Variants in GREM2 observed in about 807,000 individuals in gnomAD.
GREM2 encodes the protein gremlin-2.
A neutral mutation model predicts 14.2 loss-of-function variants in GREM2; 11 were observed. The ratio of observed to expected loss-of-function variants is 0.78; its 90% confidence interval spans 0.49 to 1.28. The LOEUF is 1.28. Among genes scored for constraint, GREM2 ranks in the 50% most tolerant of loss-of-function variants. The pLI, the probability that GREM2 is intolerant of heterozygous loss-of-function variation, is 0.00. For synonymous variants in GREM2, 98 were observed against 97.6 expected (o/e 1.00, Z -0.02); for missense variants, 210 against 218.5 (o/e 0.96, Z 0.24).
chr1:240,611,582 T>C (rs1680136184), intron 1 of GREM2, among the ~76,000 whole-genome samples: 1 of 152,244 alleles, frequency 6.6e-6, no homozygotes, highest in African/African-American at 2.4e-5. Flanking sequence ...GAGGTATTTA[T>C]TGGTGGGATG....
At chr1:240,497,879 G>T (rs890911577) in intron 1 of GREM2, among the ~76,000 whole-genome samples, 4 of 152,110 alleles carry the variant, frequency 2.6e-5, no homozygotes, top group Non-Finnish European at 5.9e-5. Context: ...CTCTTAAAAA[G>T]AAAGTATTTT....
At chr1:240,554,056 G>GTATT (rs1441014561) in intron 1 of GREM2, among the ~76,000 whole-genome samples, 4 of 152,016 alleles carry the variant, frequency 2.6e-5, no homozygotes, top group African/African-American at 9.7e-5. Flanking sequence ...CTGCATTAGG[G>GTATT]TATTGCCTTC....
At chr1:240,590,427 CTTTCTTTTTT>C (rs1679684950) in intron 1 of GREM2, among the ~76,000 whole-genome samples, 1 of 136,412 alleles carries the variant, frequency 7.3e-6, no homozygotes, top group African/African-American at 2.9e-5. Flanking sequence ...TTTTCTTTTT[CTTTCTTTTTT>C]TTTTTTTTTG....
chr1:240,577,748 A>G (rs1458788785), intron 1 of GREM2, among the ~76,000 whole-genome samples: 2 of 152,234 alleles, frequency 1.3e-5, no homozygotes, highest in African/African-American at 4.8e-5. Context: ...TTTTTAAATC[A>G]TAACTTATGG....
intron 1 of GREM2, among the ~76,000 whole-genome samples, chr1:240,502,802 G>C (rs909174977): frequency 2.6e-5 from 4 of 152,154 alleles, no homozygotes; most frequent in African/African-American, 9.7e-5. Flanking sequence ...AATTTGTTCA[G>C]GTATTGAATT....
intron 1 of GREM2, among the ~76,000 whole-genome samples, chr1:240,565,581 T>C (rs1235698076): frequency 2.0e-5 from 3 of 152,084 alleles, no homozygotes; most frequent in Non-Finnish European, 4.4e-5. Flanking sequence ...GCCCGGTGGC[T>C]CATGCCTGTA....
At chr1:240,546,166 C>G (rs1005329951) in intron 1 of GREM2, among the ~76,000 whole-genome samples, 3 of 151,920 alleles carry the variant, frequency 2.0e-5, no homozygotes, top group Non-Finnish European at 4.4e-5. Flanking sequence ...GAAACCCCAT[C>G]TCTACTAAAA....
chr1:240,609,288 T>A (rs774417214), intron 1 of GREM2, among the ~76,000 whole-genome samples: 1 of 152,100 alleles, frequency 6.6e-6, no homozygotes, highest in Non-Finnish European at 1.5e-5. Context: ...CCCATCAATG[T>A]GCTGGCCACT....
chr1:240,585,729 C>CAAAAAA (rs370321961), intron 1 of GREM2, among the ~76,000 whole-genome samples: 4 of 67,814 alleles, frequency 5.9e-5, no homozygotes, highest in Admixed American at 2.1e-4. Flanking sequence ...GACTCCATCT[C>CAAAAAA]AAAAAAAAAA....
At chr1:240,533,891 T>C (rs1678415955) in intron 1 of GREM2, among the ~76,000 whole-genome samples, 1 of 152,212 alleles carries the variant, frequency 6.6e-6, no homozygotes, top group Non-Finnish European at 1.5e-5. Context: ...CAGGAGCATG[T>C]CATTTTTGAG....
chr1:240,577,531 T>C (rs1307359630), intron 1 of GREM2, among the ~76,000 whole-genome samples: 1 of 152,222 alleles, frequency 6.6e-6, no homozygotes, highest in African/African-American at 2.4e-5. Flanking sequence ...GTAAGAGTGA[T>C]TGATGACGGG....
At chr1:240,562,970 ATG>A (rs1263317226) in intron 1 of GREM2, among the ~76,000 whole-genome samples, 2 of 95,292 alleles carry the variant, frequency 2.1e-5, no homozygotes, top group Non-Finnish European at 3.7e-5. Context: ...GAGTGTGTGT[ATG>A]TGTGTATATG....
chr1:240,539,906 GCCT>G (rs1338577036), intron 1 of GREM2, among the ~76,000 whole-genome samples: 3 of 152,198 alleles, frequency 2.0e-5, no homozygotes, highest in South Asian at 2.1e-4. Flanking sequence ...TGTTGTTGAT[GCCT>G]CCTCTTTTGT....
chr1:240,533,347 T>C (rs896799537), intron 1 of GREM2, among the ~76,000 whole-genome samples: 5 of 152,150 alleles, frequency 3.3e-5, no homozygotes, highest in Non-Finnish European at 7.4e-5. Context: ...GGGCATTGCA[T>C]GTTCTGAGAA....
chr1:240,581,250 CA>C (rs58517545), intron 1 of GREM2, among the ~76,000 whole-genome samples: 4,227 of 89,086 alleles, frequency 0.047, 147 homozygotes, highest in African/African-American at 0.12. Flanking sequence ...AAATCCATCT[CA>C]AAAAAAAAAA....
intron 1 of GREM2, among the ~76,000 whole-genome samples, chr1:240,579,623 A>G (rs1679445100): frequency 2.0e-5 from 3 of 152,202 alleles, no homozygotes; most frequent in African/African-American, 7.2e-5. Flanking sequence ...CAGTCTCATA[A>G]GGGTGTGAAC....
intron 1 of GREM2, among the ~76,000 whole-genome samples, chr1:240,583,591 T>A (rs532744134): frequency 2.0e-5 from 3 of 148,538 alleles, no homozygotes; most frequent in African/African-American, 7.6e-5. Flanking sequence ...TCTCCCTTCA[T>A]CTTACTCATC....
chr1:240,554,054 G>A (rs1448868867), intron 1 of GREM2, among the ~76,000 whole-genome samples: 1 of 152,072 alleles, frequency 6.6e-6, no homozygotes, highest in Non-Finnish European at 1.5e-5. Flanking sequence ...ACCTGCATTA[G>A]GGTATTGCCT....
chr1:240,535,811 A>AG lies in GREM2; in HGVS notation c.-1-42336_-1-42335insC, dbSNP rs1254586839. 2.0e-5 allele frequency among the ~76,000 whole-genome samples: 3 copies of AG among 150,978 alleles called. No individual in the cohort carries two copies. The East Asian group carries it at 5.8e-4, about 29-fold the overall frequency. The stretch of plus-strand genomic sequence containing the variant: ...GAGACTCCATCGCAAAAAAAAAAAA[A>AG]AGAAAGAAAAAAGAGAAAGAAATAT... On this transcript the variant is annotated intron_variant, in intron 1 of 1. Transcript: ENST00000318160.
Sources: allele counts gnomAD v4.1 joint callset (sites outside exome capture counted in the v4.1 genomes callset), GRCh38; gene constraint gnomAD v4.1.1; transcripts MANE v1.5; gene names NCBI Gene and HGNC (gene_info 2026-07-23, HGNC 2026-07-21).